Variants in CSMD1 observed in about 807,000 individuals in gnomAD.
The protein encoded by CSMD1 is CUB and Sushi multiple domains 1, also known as CUB and sushi domain-containing protein 1.
Under a neutral mutation model 417.5 loss-of-function variants are expected in CSMD1, and 213 were observed. The ratio of observed to expected loss-of-function variants is 0.51; its 90% confidence interval spans 0.46 to 0.57. The LOEUF is 0.57. CSMD1 is among the 20% of genes least tolerant of loss of function. The pLI, the probability that CSMD1 is intolerant of heterozygous loss-of-function variation, is 0.00. For synonymous variants in CSMD1, 2,862 were observed against 1,736.8 expected (o/e 1.65, Z -16.11); for missense variants, 6,923 against 4,529.7 (o/e 1.53, Z -15.17).
intron 12 of CSMD1, among the ~76,000 whole-genome samples, chr8:3,420,665 C>T (rs1489407932): frequency 6.6e-6 from 1 of 152,062 alleles, no homozygotes; most frequent in East Asian, 1.9e-4. Flanking sequence ...TACTACTGTT[C>T]TGGTTAAAAA....
chr8:4,720,490 G>A (rs147159246), intron 1 of CSMD1, among the ~76,000 whole-genome samples: 11 of 151,956 alleles, frequency 7.2e-5, no homozygotes, highest in Non-Finnish European at 1.3e-4. Flanking sequence ...TGATCTCGGC[G>A]CACTATAACC....
chr8:4,707,249 C>G (rs1584974040), intron 1 of CSMD1, among the ~76,000 whole-genome samples: 1 of 152,134 alleles, frequency 6.6e-6, no homozygotes, highest in South Asian at 2.1e-4. Flanking sequence ...ATTCTTACAA[C>G]GGTCCTAGGA....
intron 1 of CSMD1, among the ~76,000 whole-genome samples, chr8:4,950,043 C>G (rs7004552): frequency 0.47 from 71,801 of 151,920 alleles, 17,337 homozygotes; most frequent in East Asian, 0.58. Context: ...AATAATGGCA[C>G]AGGGAAGAAC....
chr8:4,422,063 T>C (rs1040875068), intron 2 of CSMD1, among the ~76,000 whole-genome samples: 12 of 152,026 alleles, frequency 7.9e-5, no homozygotes, highest in Admixed American at 2.0e-4. Flanking sequence ...GGTCACTAAC[T>C]CAAACAAATG....
chr8:3,596,282 G>C (rs1801090489), intron 8 of CSMD1, among the ~76,000 whole-genome samples: 1 of 152,176 alleles, frequency 6.6e-6, no homozygotes, highest in African/African-American at 2.4e-5. Flanking sequence ...CAGCAGACAT[G>C]AGTTTGTTTT....
rs1013789071 is a variant in CSMD1, at chr8:3,552,331, T to C, written c.1344+22614A>G. On this transcript the variant is annotated intron_variant, in intron 10 of 69. Transcript: ENST00000635120. ...AAAAAATAAGGTCAGCTTATTCTCTTTTTTTTTGCATATTTCTAAATTAAA... is the reference window on the plus strand; with the variant it reads ...AAAAAATAAGGTCAGCTTATTCTCTCTTTTTTTGCATATTTCTAAATTAAA... 4.0e-5 allele frequency among the ~76,000 whole-genome samples: 6 copies of C among 151,600 alleles called. No individual in the cohort carries two copies. In the South Asian group the frequency reaches 6.2e-4, roughly 16 times the overall value.
intron 2 of CSMD1, among the ~76,000 whole-genome samples, chr8:4,632,100 C>T: frequency 6.6e-6 from 1 of 152,202 alleles, no homozygotes; most frequent in Admixed American, 6.5e-5. Context: ...TTATCAGTCA[C>T]CACATGGGAT....
intron 26 of CSMD1, among the ~76,000 whole-genome samples, chr8:3,270,943 T>C (rs1256777826): frequency 6.6e-6 from 1 of 151,630 alleles, no homozygotes; most frequent in African/African-American, 2.4e-5. Context: ...TTATTATTAT[T>C]ATACTGTAAG....
At position 3,181,180 on chromosome 8, in the gene CSMD1, G is replaced by A; in HGVS notation, c.5655C>T (p.Ser1885=). ...ACTGGAAATGCAGGTAGAGTTGGTTGGAAGTACTGTTCAGCAGTGCCGGTA... is the reference window on the plus strand; with the variant it reads ...ACTGGAAATGCAGGTAGAGTTGGTTAGAAGTACTGTTCAGCAGTGCCGGTA... The part of the protein sequence containing the change: ...TTVPALLNST[S]NQLYLHFQSD... Residue 1885 remains serine (S), a synonymous_variant, in exon 37 of 70, where the codon TCC becomes TCT. Coordinates refer to ENST00000635120, the MANE Select transcript of CSMD1 (RefSeq NM_033225.6). The A allele has an allele frequency of 1.9e-6, 3 of 1,613,852 alleles. No individual in the cohort carries two copies. The highest frequency in any genetic ancestry group is 2.5e-6 in the Non-Finnish European group (3 of 1,179,820).
At chr8:3,455,714 C>A (rs1289646643) in intron 12 of CSMD1, among the ~76,000 whole-genome samples, 1 of 152,226 alleles carries the variant, frequency 6.6e-6, no homozygotes, top group Non-Finnish European at 1.5e-5. Context: ...AGGTGTCAGA[C>A]TGCCCCTACT....
At chr8:3,993,170 G>A (rs1165532877) in intron 5 of CSMD1, among the ~76,000 whole-genome samples, 1 of 152,232 alleles carries the variant, frequency 6.6e-6, no homozygotes, top group East Asian at 1.9e-4. Flanking sequence ...ATGTTCACAT[G>A]AAGGAAGCTA....
At chr8:4,464,306 G>A (rs1210591689) in intron 2 of CSMD1, among the ~76,000 whole-genome samples, 2 of 152,186 alleles carry the variant, frequency 1.3e-5, no homozygotes, top group African/African-American at 4.8e-5. Context: ...GCAATGGACA[G>A]ACGCTCTTCA....
At chr8:3,967,128 T>A (rs1419900598) in intron 5 of CSMD1, among the ~76,000 whole-genome samples, 1 of 151,694 alleles carries the variant, frequency 6.6e-6, no homozygotes, top group African/African-American at 2.4e-5. Context: ...CGGACTAATT[T>A]TGTCTATTTG....
intron 2 of CSMD1, among the ~76,000 whole-genome samples, chr8:4,603,706 A>C (rs1800715070): frequency 6.6e-6 from 1 of 152,120 alleles, no homozygotes; most frequent in Non-Finnish European, 1.5e-5. Flanking sequence ...TTCACTTCTA[A>C]ATGTTGGCTT....
intron 2 of CSMD1, among the ~76,000 whole-genome samples, chr8:4,465,670 A>G (rs1800123481): frequency 6.6e-6 from 1 of 152,154 alleles, no homozygotes; most frequent in Non-Finnish European, 1.5e-5. Flanking sequence ...GAGAGATGAA[A>G]TTCACTTTAT....
chr8:3,059,585 A>T (rs969120853), intron 49 of CSMD1, among the ~76,000 whole-genome samples: 38 of 152,088 alleles, frequency 2.5e-4, no homozygotes, highest in Admixed American at 2.5e-3. Context: ...CACCCTTCAG[A>T]GTTTGAAGAT....
At chr8:4,386,121 G>A (rs1456166695) in intron 3 of CSMD1, among the ~76,000 whole-genome samples, 2 of 151,902 alleles carry the variant, frequency 1.3e-5, no homozygotes, top group Non-Finnish European at 2.9e-5. Context: ...TTTTACCCGG[G>A]AATTTCAAAC....
intron 1 of CSMD1, among the ~76,000 whole-genome samples, chr8:4,785,373 T>C (rs538802578): frequency 6.6e-6 from 1 of 152,246 alleles, no homozygotes; most frequent in African/African-American, 2.4e-5. Flanking sequence ...TCAGAGCTGG[T>C]ATGGAAGAGG....
chr8:3,221,529 AAAACAAAC>A (rs35213930), intron 28 of CSMD1, among the ~76,000 whole-genome samples: 36 of 150,294 alleles, frequency 2.4e-4, no homozygotes, highest in African/African-American at 5.1e-4. Flanking sequence ...CAGACACAGG[AAAACAAAC>A]AAACAAACAA....
Sources: gnomAD v4.1 joint callset for allele counts (sites outside exome capture counted in the v4.1 genomes callset) on GRCh38, gnomAD v4.1.1 for gene constraint, MANE v1.5 for transcripts, NCBI Gene and HGNC (gene_info 2026-07-23, HGNC 2026-07-21) for gene names.